Variants in RIN2 observed in about 807,000 individuals in gnomAD.
RIN2 encodes RAB5 interacting protein 2.
Under a neutral mutation model 78.0 loss-of-function variants are expected in RIN2, and 36 were observed. The observed-to-expected ratio is 0.46, with a 90% CI of 0.35 to 0.61. The LOEUF is 0.61. Among genes scored for constraint, RIN2 ranks in the 20% least tolerant of loss-of-function variants. The pLI, the probability that RIN2 is intolerant of heterozygous loss-of-function variation, is 0.00. For synonymous variants in RIN2, 466 were observed against 466.8 expected (o/e 1.00, Z 0.02); for missense variants, 1,087 against 1,159.7 (o/e 0.94, Z 0.91).
chr20:19,924,914 T>C (rs1336505298), intron 3 of RIN2, among the ~76,000 whole-genome samples: 3 of 149,918 alleles, frequency 2.0e-5, no homozygotes, highest in Non-Finnish European at 3.0e-5. Context: ...TAATTTTGTA[T>C]TTTTAGTAGA....
intron 2 of RIN2, chr20:19,823,513 T>A: frequency 1.9e-6 from 2 of 1,031,714 alleles, no homozygotes; most frequent in Non-Finnish European, 3.0e-6. Flanking sequence ...GTGGCGGCCA[T>A]CAACATTACA....
intron 9 of RIN2, among the ~76,000 whole-genome samples, chr20:19,980,079 G>T (rs953992641): frequency 6.7e-6 from 1 of 150,062 alleles, no homozygotes; most frequent in African/African-American, 2.5e-5. Flanking sequence ...CTTCTGAGAG[G>T]TGTAGCCAGG....
At chr20:19,844,084 T>G (rs892913529) in intron 2 of RIN2, among the ~76,000 whole-genome samples, 1 of 152,168 alleles carries the variant, frequency 6.6e-6, no homozygotes, top group Non-Finnish European at 1.5e-5. Flanking sequence ...CTCCAGTATG[T>G]CAAATTCCAA....
At chr20:19,785,369 C>G (rs1387438856) in intron 1 of RIN2, among the ~76,000 whole-genome samples, 1 of 151,992 alleles carries the variant, frequency 6.6e-6, no homozygotes, top group Non-Finnish European at 1.5e-5. Context: ...CTTTCATATG[C>G]TAAAAAACCC....
chr20:19,890,488 A>G (rs902920020), intron 3 of RIN2, among the ~76,000 whole-genome samples: 3 of 152,142 alleles, frequency 2.0e-5, no homozygotes, highest in Non-Finnish European at 2.9e-5. Context: ...GAAATCTGTC[A>G]TAGGCAGTGT....
chr20:19,989,166 G>A (rs1309019249), intron 9 of RIN2, among the ~76,000 whole-genome samples: 4 of 151,844 alleles, frequency 2.6e-5, no homozygotes, highest in Admixed American at 6.6e-5. Flanking sequence ...GGCTGTATTC[G>A]ATGCCCCACT....
chr20:19,900,995 A>T (rs2038958338), intron 3 of RIN2, among the ~76,000 whole-genome samples: 2 of 146,498 alleles, frequency 1.4e-5, no homozygotes, highest in South Asian at 4.3e-4. Flanking sequence ...CTTGGATTCC[A>T]CTCCAGACCC....
intron 6 of RIN2, among the ~76,000 whole-genome samples, chr20:19,961,530 G>A (rs1047656469): frequency 9.9e-5 from 15 of 152,108 alleles, no homozygotes; most frequent in African/African-American, 3.4e-4. Flanking sequence ...CAGGCCAGGA[G>A]GAGAGAGCTC....
Position 19,839,074 on chromosome 20 carries a change from A to G in RIN2, c.-37+39327A>G, listed in dbSNP as rs186222320. Among the ~76,000 whole-genome samples, 781 of 152,308 alleles carry G rather than the reference A, an allele frequency of 5.1e-3. 5 individuals are homozygous for G. The highest frequency in any genetic ancestry group is 0.018 in the African/African-American group (746 of 41,576). On this transcript the variant is annotated intron_variant, in intron 2 of 12. Transcript: ENST00000255006. ...TTCTGCAGTGGGAGGAGCACAAATCAGAGTCTGCGCAGCCCCAGTGCTCAG... is the reference window on the plus strand; with the variant it reads ...TTCTGCAGTGGGAGGAGCACAAATCGGAGTCTGCGCAGCCCCAGTGCTCAG...
chr20:19,889,712 G>GGGAGCTGCGGTGCTCCAT (rs2038356861), intron 3 of RIN2, 54 bp downstream of exon 3: 15 of 1,347,650 alleles, frequency 1.1e-5, no homozygotes, highest in Admixed American at 2.6e-5. Flanking sequence ...GCCTGAGCCT[G>GGGAGCTGCGGTGCTCCAT]GGAGCTGCGG....
chr20:19,977,827 G>A (rs2042328141), intron 9 of RIN2, among the ~76,000 whole-genome samples: 1 of 152,124 alleles, frequency 6.6e-6, no homozygotes, highest in Admixed American at 6.5e-5. Context: ...CACAAGCATT[G>A]CCATGCTTTT....
intron 1 of RIN2, among the ~76,000 whole-genome samples, chr20:19,791,463 G>A (rs185629213): frequency 6.6e-6 from 1 of 152,146 alleles, no homozygotes; most frequent in Non-Finnish European, 1.5e-5. Flanking sequence ...AAGAATACCT[G>A]ATCCACCAAA....
intron 1 of RIN2, among the ~76,000 whole-genome samples, chr20:19,782,086 A>C (rs972862553): frequency 6.6e-6 from 1 of 152,182 alleles, no homozygotes; most frequent in Non-Finnish European, 1.5e-5. Context: ...GCACATGACC[A>C]GGGTCCACAG....
chr20:19,789,898 G>A (rs2034836324), intron 1 of RIN2, among the ~76,000 whole-genome samples: 1 of 152,156 alleles, frequency 6.6e-6, no homozygotes, highest in South Asian at 2.1e-4. Flanking sequence ...CACTGAGCAA[G>A]TCTAATTCCA....
At chr20:19,775,405 GA>G (rs1219327915) in intron 1 of RIN2, among the ~76,000 whole-genome samples, 4 of 152,176 alleles carry the variant, frequency 2.6e-5, no homozygotes, top group African/African-American at 9.7e-5. Context: ...CGGTATTTTG[GA>G]TGTTAGCATC....
chr20:19,956,952 A>G (rs2041569296), intron 5 of RIN2, 145 bp downstream of exon 5: 4 of 678,454 alleles, frequency 5.9e-6, no homozygotes, highest in Non-Finnish European at 9.6e-6. Flanking sequence ...TCAATGCAGA[A>G]ATATTCTGTA....
At chr20:19,955,719 T>G (rs2041504487) in intron 4 of RIN2, among the ~76,000 whole-genome samples, 1 of 152,182 alleles carries the variant, frequency 6.6e-6, no homozygotes, top group South Asian at 2.1e-4. Context: ...TCGACATGAT[T>G]TTACGAATAG....
chr20:19,901,180 G>A (rs1255396792), intron 3 of RIN2, among the ~76,000 whole-genome samples: 1 of 152,124 alleles, frequency 6.6e-6, no homozygotes, highest in African/African-American at 2.4e-5. Flanking sequence ...CTGGAAAATG[G>A]AATGATACCA....
intron 4 of RIN2, among the ~76,000 whole-genome samples, chr20:19,954,669 A>C (rs1297193279): frequency 6.6e-6 from 1 of 152,034 alleles, no homozygotes; most frequent in Admixed American, 6.5e-5. Flanking sequence ...TTGGCACACA[A>C]CAGCCGCTAC....
Sources: gnomAD v4.1 joint callset for allele counts (sites outside exome capture counted in the v4.1 genomes callset) on GRCh38, gnomAD v4.1.1 for gene constraint, MANE v1.5 for transcripts, NCBI Gene and HGNC (gene_info 2026-07-23, HGNC 2026-07-21) for gene names.